The following ABCA13 variants were observed in gnomAD, a reference collection of about 807,000 sequenced individuals.
The protein encoded by ABCA13 is ATP-binding cassette sub-family A member 13.
In ABCA13, 476 loss-of-function variants were observed where a neutral mutation model predicts 478.7. That is an observed-to-expected ratio of 0.99 (90% CI 0.92 to 1.07). The LOEUF (loss-of-function observed/expected upper bound fraction) is 1.07. Among genes scored for constraint, ABCA13 ranks in the 50% least tolerant of loss-of-function variants. The pLI is 0.00. For synonymous variants in ABCA13, 2,252 were observed against 2,158.9 expected (o/e 1.04, Z -1.20); for missense variants, 6,060 against 5,910.6 (o/e 1.03, Z -0.83).
At chr7:48,422,054 A>AC (rs1820820145) in intron 41 of ABCA13, among the ~76,000 whole-genome samples, 1 of 63,986 alleles carries the variant, frequency 1.6e-5, no homozygotes, top group Non-Finnish European at 2.7e-5. Flanking sequence ...TGTCTTTCTT[A>AC]CAAAAAAAAA....
chr7:48,364,560 C>G (rs1030594331), intron 31 of ABCA13, among the ~76,000 whole-genome samples: 1 of 152,136 alleles, frequency 6.6e-6, no homozygotes, highest in Non-Finnish European at 1.5e-5. Flanking sequence ...TTATCTTCCC[C>G]TCCCCTTTAC....
At chr7:48,470,510 T>C (rs1827366554) in intron 44 of ABCA13, among the ~76,000 whole-genome samples, 1 of 152,232 alleles carries the variant, frequency 6.6e-6, no homozygotes, top group Non-Finnish European at 1.5e-5. Context: ...TACGTAACTC[T>C]CTTAGGTGTT....
chr7:48,587,337 T>C (rs890363766), intron 57 of ABCA13, 49 bp downstream of exon 57: 1 of 1,522,674 alleles, frequency 6.6e-7, no homozygotes, highest in South Asian at 1.3e-5. Flanking sequence ...TATTGCATAT[T>C]GATTTATAAA....
intron 42 of ABCA13, among the ~76,000 whole-genome samples, chr7:48,437,243 T>C (rs1428066335): frequency 1.3e-5 from 2 of 152,086 alleles, no homozygotes; most frequent in African/African-American, 4.8e-5. Context: ...TCTTAGTGAA[T>C]TGACTCTTTT....
chr7:48,278,393 AG>A lies in ABCA13; in HGVS notation c.7201del (p.Asp2401ThrfsTer16). 1 of 1,613,928 alleles carries A rather than the reference AG, an allele frequency of 6.2e-7. No homozygotes were observed. The highest frequency in any genetic ancestry group is 8.5e-7 in the Non-Finnish European group (1 of 1,179,858). ...SQLFFHVNKSEDLFKLNQDLG... is the reference protein window; with the variant it reads ...SQLFFHVNKSXDLFKLNQDLG... ...TTGTTTTTCCATGTGAATAAGTCTG[AG>A]GACCTCTTCAAACTCAATCAAGATC... On this transcript the variant is annotated frameshift_variant, in exon 18 of 62. Coordinates refer to ENST00000435803, the MANE Select transcript of ABCA13 (RefSeq NM_152701.5). LOFTEE classifies it high-confidence loss of function.
At chr7:48,580,944 C>T (rs1788644729) in intron 56 of ABCA13, among the ~76,000 whole-genome samples, 1 of 152,076 alleles carries the variant, frequency 6.6e-6, no homozygotes, top group Non-Finnish European at 1.5e-5. Flanking sequence ...AGGAGAGAGG[C>T]AGGTGGAGCA....
intron 45 of ABCA13, among the ~76,000 whole-genome samples, chr7:48,473,245 G>C (rs1017486674): frequency 3.9e-5 from 6 of 152,180 alleles, no homozygotes; most frequent in Non-Finnish European, 1.5e-5. Flanking sequence ...CTTCAAGGTG[G>C]ATGTGCCTGG....
rs139467120 is a variant in ABCA13 at position 48,305,027 on chromosome 7, A to G, written c.9322-4920A>G. 9.1e-4 allele frequency among the ~76,000 whole-genome samples: 139 copies of G among 152,354 alleles called. 2 individuals are homozygous for G. Among genetic ancestry groups the G allele is most frequent in the African/African-American group, 3.2e-3 (134 of 41,572 alleles). On this transcript the variant is annotated intron_variant, in intron 23 of 61. Coordinates refer to ENST00000435803, the MANE Select transcript of ABCA13 (RefSeq NM_152701.5). ...AATTCTTATTCATCTTTTCCCTTAA[A>G]TATCCTGTAAGTCAAAACTGTGCTT...
intron 41 of ABCA13, among the ~76,000 whole-genome samples, chr7:48,415,364 C>A (rs542066047): frequency 2.0e-5 from 3 of 152,246 alleles, no homozygotes; most frequent in African/African-American, 7.2e-5. Context: ...GCCCAGACTT[C>A]TTATGTTCAT....
chr7:48,317,845 A>G (rs900638211), intron 27 of ABCA13, among the ~76,000 whole-genome samples: 1 of 152,102 alleles, frequency 6.6e-6, no homozygotes, highest in Admixed American at 6.5e-5. Flanking sequence ...GGCTCTGCTT[A>G]TTTTCCTTTC....
chr7:48,223,840 T>A (rs1787731941), intron 5 of ABCA13, among the ~76,000 whole-genome samples: 1 of 151,196 alleles, frequency 6.6e-6, no homozygotes, highest in Non-Finnish European at 1.5e-5. Flanking sequence ...GTGCCTATAA[T>A]CCCAGCTACT....
Position 48,234,152 on chromosome 7 carries a change from G to A in ABCA13, c.897+1G>A. ...GAACTCTTCAGCTGAACTGAAGGAG[G>A]TACACATGCTTGACTGCTTCTCACA... is the stretch of plus-strand genomic sequence containing the variant. On this transcript the variant is annotated splice_donor_variant, in intron 8 of 61. Transcript: ENST00000435803. LOFTEE classifies it high-confidence loss of function. 6.2e-7 allele frequency: 1 copy of A among 1,613,876 alleles called. No homozygotes were observed. The highest frequency in any genetic ancestry group is 2.2e-5 in the East Asian group (1 of 44,876).
chr7:48,479,835 C>T (rs560177275), intron 45 of ABCA13, among the ~76,000 whole-genome samples: 1 of 152,328 alleles, frequency 6.6e-6, no homozygotes, highest in Non-Finnish European at 1.5e-5. Context: ...TATCGCCCTT[C>T]TTACTTTGCT....
intron 38 of ABCA13, among the ~76,000 whole-genome samples, chr7:48,393,669 G>C (rs143535374): frequency 5.3e-5 from 8 of 152,228 alleles, no homozygotes; most frequent in Non-Finnish European, 1.0e-4. Flanking sequence ...CTTCATGATG[G>C]TGGAGCTCTA....
At chr7:48,297,402 A>T in intron 22 of ABCA13, 91 bp downstream of exon 22, 1 of 1,243,092 alleles carries the variant, frequency 8.0e-7, no homozygotes, top group Non-Finnish European at 1.1e-6. Context: ...TACAACAGAA[A>T]ATTTATGCTA....
intron 57 of ABCA13, among the ~76,000 whole-genome samples, chr7:48,592,614 G>A (rs1396648606): frequency 2.6e-5 from 4 of 151,864 alleles, no homozygotes; most frequent in Non-Finnish European, 4.4e-5. Flanking sequence ...GGTAGTTCAA[G>A]TACATTGTTT....
intron 50 of ABCA13, among the ~76,000 whole-genome samples, chr7:48,509,543 C>A (rs1357049063): frequency 1.3e-5 from 2 of 152,122 alleles, no homozygotes; most frequent in South Asian, 4.2e-4. Context: ...CTTTATGCCT[C>A]CCACTCAGTC....
chr7:48,240,951 T>A lies in ABCA13; in HGVS notation c.1147T>A (p.Phe383Ile). 1 of 1,613,530 alleles carries A rather than the reference T, an allele frequency of 6.2e-7. No individual in the cohort carries two copies. Among genetic ancestry groups the A allele is most frequent in the Non-Finnish European group, 8.5e-7 (1 of 1,179,596 alleles). ...TAGTCTGGAGGCTCTCAGGAATCAG[T>A]TTGAAGAAGAGAGCAAGCCCTGGAA... ...GHSLEALRNQ[F>I]EEESKPWKVV... The change falls in exon 10 of 62, where the codon TTT becomes ATT. Residue 383 changes from phenylalanine to isoleucine, a missense_variant. Transcript: ENST00000435803.
At chr7:48,528,130 C>A in intron 54 of ABCA13, 106 bp from the exon 55 acceptor site, 2 of 969,298 alleles carry the variant, frequency 2.1e-6, no homozygotes, top group South Asian at 1.6e-5. Flanking sequence ...TCAAAGTTGG[C>A]TAAAAGCAAG....
Sources: gnomAD v4.1 joint callset for allele counts (sites outside exome capture counted in the v4.1 genomes callset) on GRCh38, gnomAD v4.1.1 for gene constraint, MANE v1.5 for transcripts, NCBI Gene and HGNC (gene_info 2026-07-23, HGNC 2026-07-21) for gene names.